The following GCNT1 variants were observed in gnomAD, a reference collection of about 807,000 sequenced individuals.
GCNT1 encodes glucosaminyl (N-acetyl) transferase 1.
Under a neutral mutation model 26.2 loss-of-function variants are expected in GCNT1, and 16 were observed. The observed-to-expected ratio is 0.61, with a 90% CI of 0.41 to 0.93. The LOEUF (loss-of-function observed/expected upper bound fraction) is 0.93. Ranked by LOEUF, GCNT1 falls within the 40% of genes least tolerant of loss-of-function variation. The pLI, the probability that GCNT1 is intolerant of heterozygous loss-of-function variation, is 0.00. For synonymous variants in GCNT1, 183 were observed against 190.8 expected, an observed-to-expected ratio of 0.96 and a Z score of 0.34; for missense variants, 477 against 526.7, an observed-to-expected ratio of 0.91 and a Z score of 0.92.
chr9:76,449,814 C>T (rs749620214), intron 1 of GCNT1, among the ~76,000 whole-genome samples: 1 of 152,174 alleles, frequency 6.6e-6, no homozygotes, highest in East Asian at 1.9e-4. Context: ...GACAGAGTCT[C>T]ACCCTGTCAC....
intron 2 of GCNT1, among the ~76,000 whole-genome samples, chr9:76,485,544 C>T (rs1231293970): frequency 1.3e-5 from 2 of 152,160 alleles, no homozygotes; most frequent in Non-Finnish European, 2.9e-5. Flanking sequence ...TCTTCTAAAT[C>T]CATTAATTTA....
At chr9:76,437,446 C>T (rs1296526966), upstream of GCNT1, among the ~76,000 whole-genome samples, 2 of 152,136 alleles carry the variant, frequency 1.3e-5, no homozygotes, top group Non-Finnish European at 2.9e-5. Flanking sequence ...TTACAAATGC[C>T]ATGGCAACGT....
chr9:76,504,950 G>A lies in GCNT1; in HGVS notation c.*1282G>A, dbSNP rs191229585. ...GTTTTTGGTATCATTCACAGCATAC[G>A]ATTTTTACTCTCTCCATCTTCACCA... On this transcript the variant is annotated 3_prime_UTR_variant, in exon 4 of 4. Transcript: ENST00000376730. 20 of 413,186 alleles carry A rather than the reference G, an allele frequency of 4.8e-5. No individual in the cohort carries two copies. Among genetic ancestry groups the A allele is most frequent in the African/African-American group, 3.1e-4 (15 of 48,682 alleles). The allele number at this position is 413,186 out of a possible 1,614,324, so 25.6% of individuals were successfully genotyped here.
intron 1 of GCNT1, 36 bp downstream of exon 1, chr9:76,459,341 GC>G (rs1475048472): frequency 6.6e-6 from 1 of 152,396 alleles, no homozygotes; most frequent in African/African-American, 2.4e-5. Flanking sequence ...CTGCTCGGCC[GC>G]CCGGCGGTGG....
intron 2 of GCNT1, among the ~76,000 whole-genome samples, chr9:76,496,334 T>A (rs1307498010): frequency 1.3e-5 from 2 of 152,202 alleles, no homozygotes; most frequent in Non-Finnish European, 2.9e-5. Context: ...CATCCCCCCT[T>A]CAGAGGGATC....
rs141640466 is a variant in GCNT1, at chr9:76,502,779, T to C, written c.398T>C (p.Ile133Thr). Residue 133 changes from isoleucine to threonine, a missense_variant, in exon 4 of 4, where the codon ATT becomes ACT. By Grantham distance (89) the Ile-to-Thr change is moderately conservative (BLOSUM62 -1). Coordinates refer to ENST00000376730, the MANE Select transcript of GCNT1 (RefSeq NM_001490.5). Reference protein sequence around the residue: ...IAYSIVVHHKIEMLDRLLRAI... With the variant: ...IAYSIVVHHKTEMLDRLLRAI... The stretch of plus-strand genomic sequence containing the variant: ...TATTCTATAGTGGTTCATCACAAGA[T>C]TGAAATGCTTGACAGGCTGCTGAGG... 5 of 1,614,218 alleles carry C rather than the reference T, an allele frequency of 3.1e-6. No individual in the cohort carries two copies. In the African/African-American group the frequency reaches 6.7e-5, roughly 22 times the overall value.
At chr9:76,477,312 G>A (rs891416626) in intron 2 of GCNT1, among the ~76,000 whole-genome samples, 2 of 151,848 alleles carry the variant, frequency 1.3e-5, no homozygotes, top group East Asian at 2.0e-4. Flanking sequence ...TGGATCACGA[G>A]GTCAGGAGTT....
the GCNT1 span, among the ~76,000 whole-genome samples, chr9:76,396,379 G>A: frequency 6.6e-6 from 1 of 151,706 alleles, no homozygotes; most frequent in African/African-American, 2.4e-5. Flanking sequence ...CTCTTGAGCT[G>A]AGGAGTTCAA....
At chr9:76,437,583 G>T (rs933188406), upstream of GCNT1, among the ~76,000 whole-genome samples, 1 of 152,204 alleles carries the variant, frequency 6.6e-6, no homozygotes, top group Non-Finnish European at 1.5e-5. Context: ...TGTCTATAGA[G>T]TAGCCATTCT....
chr9:76,482,811 A>ATTTT (rs56267257), intron 2 of GCNT1, among the ~76,000 whole-genome samples: 5 of 115,882 alleles, frequency 4.3e-5, no homozygotes, highest in Admixed American at 9.9e-5. Flanking sequence ...CACCGGGCTA[A>ATTTT]TTTTTTTTTT....
the GCNT1 span, among the ~76,000 whole-genome samples, chr9:76,413,396 A>G: frequency 6.6e-6 from 1 of 152,172 alleles, no homozygotes; most frequent in South Asian, 2.1e-4. Context: ...AATATTCACA[A>G]CCAAATCTCC....
chr9:76,453,152 C>A lies in GCNT1; in HGVS notation c.-290+10837C>A, dbSNP rs146906137. Among the ~76,000 whole-genome samples, 33 of 152,266 alleles carry A rather than the reference C, an allele frequency of 2.2e-4. No individual in the cohort carries two copies. In the East Asian group the frequency reaches 4.3e-3, roughly 20 times the overall value. On this transcript the variant is annotated intron_variant, in intron 1 of 2. Transcript: ENST00000442371. ...CCAGTATTGGGTGTCATCTGTTCAG[C>A]CATCTCCTGTTTAGCACAGGAGATC... is the stretch of plus-strand genomic sequence containing the variant.
At chr9:76,425,754 G>A (rs1192692913) in intron 1 of GCNT1, among the ~76,000 whole-genome samples, 1 of 152,136 alleles carries the variant, frequency 6.6e-6, no homozygotes, top group Non-Finnish European at 1.5e-5. Flanking sequence ...GGGTTTTTAA[G>A]GACAATTTGG....
At chr9:76,442,553 C>T (rs569143145) in intron 1 of GCNT1, among the ~76,000 whole-genome samples, 12 of 152,132 alleles carry the variant, frequency 7.9e-5, no homozygotes, top group South Asian at 4.2e-4. Flanking sequence ...TGGTGGTAGG[C>T]GCCTGTAATC....
upstream of GCNT1, among the ~76,000 whole-genome samples, chr9:76,456,509 T>A (rs1388601013): frequency 2.0e-5 from 3 of 152,220 alleles, no homozygotes; most frequent in Non-Finnish European, 4.4e-5. Flanking sequence ...TCTCTCTCTG[T>A]TACTACAATG....
chr9:76,482,691 C>T (rs1321468339), intron 2 of GCNT1, among the ~76,000 whole-genome samples: 1 of 151,894 alleles, frequency 6.6e-6, no homozygotes, highest in Non-Finnish European at 1.5e-5. Context: ...CTTACCCAGG[C>T]TGGAGTGCAG....
chr9:76,475,665 T>A (rs1438297448), intron 2 of GCNT1, among the ~76,000 whole-genome samples: 2 of 151,560 alleles, frequency 1.3e-5, no homozygotes, highest in Non-Finnish European at 2.9e-5. Flanking sequence ...GGAGACAGAG[T>A]GATGTGGGAT....
chr9:76,431,725 G>A (rs1400832129), intron 1 of GCNT1, among the ~76,000 whole-genome samples: 7 of 152,152 alleles, frequency 4.6e-5, no homozygotes, highest in Admixed American at 2.6e-4. Context: ...CAAATTAAGC[G>A]GTTGGTCTTT....
chr9:76,434,693 C>T (rs569144204), intron 1 of GCNT1, among the ~76,000 whole-genome samples: 155 of 152,150 alleles, frequency 1.0e-3, no homozygotes, highest in African/African-American at 3.6e-3. Flanking sequence ...TGACTGCCTG[C>T]GGGGTGGGGC....
Sources: gnomAD v4.1 joint callset for allele counts (sites outside exome capture counted in the v4.1 genomes callset) on GRCh38, gnomAD v4.1.1 for gene constraint, MANE v1.5 for transcripts, NCBI Gene and HGNC (gene_info 2026-07-23, HGNC 2026-07-21) for gene names.